CTNNA3: variants seen among roughly 807,000 people sequenced by gnomAD.
CTNNA3 encodes the protein catenin alpha-3.
A neutral mutation model predicts 95.7 loss-of-function variants in CTNNA3; 76 were observed. The ratio of observed to expected loss-of-function variants is 0.79; its 90% CI spans 0.66 to 0.96. CTNNA3 has a LOEUF of 0.96. Among genes scored for constraint, CTNNA3 ranks in the 40% least tolerant of loss-of-function variants. The probability of loss-of-function intolerance (pLI) is 0.00; values close to 1 mark genes in which losing one functional copy is unlikely to be tolerated. For missense variants in CTNNA3, 1,191 were observed against 1,089.8 expected (o/e 1.09, Z -1.31); for synonymous variants, 431 against 374.4 (o/e 1.15, Z -1.74).
rs907067260 is a variant in CTNNA3, at chr10:65,916,263, C to T, written c.*4067G>A. ...ACTGAAATATTTCTGGCTTTACAAA[C>T]AGAAAAAATGAATATTTGATTCCTA... On this transcript the variant is annotated 3_prime_UTR_variant, in exon 18 of 18. Coordinates refer to ENST00000433211, the MANE Select transcript of CTNNA3 (RefSeq NM_013266.4). 2.6e-5 allele frequency: 4 copies of T among 151,818 alleles called. No homozygotes were observed. The highest frequency in any genetic ancestry group is 9.7e-5 in the African/African-American group (4 of 41,350). The allele number at this position is 151,818 out of a possible 1,614,324, so 9.4% of individuals were successfully genotyped here.
chr10:67,638,745 G>A (rs572179229), intron 2 of CTNNA3, among the ~76,000 whole-genome samples: 2 of 152,252 alleles, frequency 1.3e-5, no homozygotes, highest in South Asian at 2.1e-4. Flanking sequence ...TGAACAACCT[G>A]CTCCTGAATG....
intron 1 of CTNNA3, among the ~76,000 whole-genome samples, chr10:67,693,686 C>T (rs1484126649): frequency 1.3e-5 from 2 of 152,182 alleles, no homozygotes; most frequent in Non-Finnish European, 2.9e-5. Flanking sequence ...CTACCTCTCA[C>T]TTCACACCAC....
At chr10:66,331,191 T>C (rs1392975107) in intron 12 of CTNNA3, among the ~76,000 whole-genome samples, 7 of 152,098 alleles carry the variant, frequency 4.6e-5, no homozygotes, top group Non-Finnish European at 1.0e-4. Flanking sequence ...AGGGTTTTTA[T>C]GGTTTTAGGT....
At chr10:67,663,433 G>A (rs1840247125) in intron 1 of CTNNA3, among the ~76,000 whole-genome samples, 1 of 151,856 alleles carries the variant, frequency 6.6e-6, no homozygotes, top group African/African-American at 2.4e-5. Flanking sequence ...GGGCAAGTGC[G>A]GTCCCCAGTC....
chr10:67,608,072 C>A (rs576636758), intron 2 of CTNNA3, among the ~76,000 whole-genome samples: 1 of 151,988 alleles, frequency 6.6e-6, no homozygotes, highest in South Asian at 2.1e-4. Flanking sequence ...CAGGAAAGGC[C>A]TCTTGACAGG....
chr10:67,285,579 G>A (rs2132453445), intron 5 of CTNNA3, among the ~76,000 whole-genome samples: 1 of 152,266 alleles, frequency 6.6e-6, no homozygotes, highest in African/African-American at 2.4e-5. Context: ...ATATCCAGAG[G>A]AGGCAGTCTA....
At position 66,360,655 on chromosome 10, in the gene CTNNA3, C is replaced by CT. The variant is rs1454534907; in HGVS notation, c.1732+18496dup. ...TCTTTCTTTCTTTCTTTCTTTCTTT[C>CT]TTTCTTCCTTCCTTCCTTCCTTCCT... On this transcript the variant is annotated intron_variant, in intron 12 of 17. Coordinates refer to ENST00000433211, the MANE Select transcript of CTNNA3 (RefSeq NM_013266.4). Among the ~76,000 whole-genome samples, 51 of 44,784 alleles carry CT rather than the reference C, an allele frequency of 1.1e-3. 1 individual carries two copies. Among genetic ancestry groups the CT allele is most frequent in the African/African-American group, 4.5e-3 (50 of 11,114 alleles). 29.4% of individuals were successfully genotyped at this position (44,784 alleles called of 152,430 possible). A position where few individuals can be genotyped will look rare whatever the true frequency, so the allele number is the denominator to read the frequency against.
chr10:67,691,259 C>A (rs1362804555), intron 1 of CTNNA3, among the ~76,000 whole-genome samples: 7 of 152,230 alleles, frequency 4.6e-5, no homozygotes, highest in Admixed American at 4.6e-4. Flanking sequence ...CACCTCCCAG[C>A]AGCCTGCCTT....
chr10:65,933,937 T>C (rs1273186160), intron 17 of CTNNA3, among the ~76,000 whole-genome samples: 4 of 152,148 alleles, frequency 2.6e-5, no homozygotes. Context: ...ACAGATTCTT[T>C]TTTGCATGTC....
chr10:66,356,131 T>G (rs200964178), intron 12 of CTNNA3, among the ~76,000 whole-genome samples: 6,749 of 150,898 alleles, frequency 0.045, 210 homozygotes, highest in Non-Finnish European at 0.061. Flanking sequence ...TGTTTTTTTT[T>G]TTTTTTTTTT....
intron 6 of CTNNA3, among the ~76,000 whole-genome samples, chr10:67,181,157 T>G (rs774336357): frequency 1.3e-5 from 2 of 152,190 alleles, no homozygotes; most frequent in African/African-American, 4.8e-5. Flanking sequence ...ATCATAAACT[T>G]TAGTTAACTT....
chr10:67,563,288 A>G (rs901866686), intron 3 of CTNNA3, among the ~76,000 whole-genome samples: 14 of 152,230 alleles, frequency 9.2e-5, no homozygotes, highest in Admixed American at 7.9e-4. Context: ...GTACCAAAAC[A>G]GAGATATCAA....
intron 11 of CTNNA3, among the ~76,000 whole-genome samples, chr10:66,395,150 G>A (rs1018974996): frequency 6.6e-6 from 1 of 151,996 alleles, no homozygotes; most frequent in African/African-American, 2.4e-5. Context: ...ACGTCTTAGG[G>A]AAGTTCACTT....
At chr10:66,994,744 C>T (rs1321144477) in intron 7 of CTNNA3, among the ~76,000 whole-genome samples, 1 of 152,142 alleles carries the variant, frequency 6.6e-6, no homozygotes, top group Non-Finnish European at 1.5e-5. Context: ...ACATTCAATA[C>T]TATTTATAGA....
intron 13 of CTNNA3, among the ~76,000 whole-genome samples, chr10:66,131,644 A>G (rs2083107781): frequency 6.6e-6 from 1 of 152,216 alleles, no homozygotes; most frequent in Non-Finnish European, 1.5e-5. Flanking sequence ...ACCTGACTTC[A>G]AACTATACTA....
chr10:67,143,973 C>T (rs182002487), intron 7 of CTNNA3, among the ~76,000 whole-genome samples: 17 of 152,282 alleles, frequency 1.1e-4, no homozygotes, highest in Non-Finnish European at 1.5e-5. Flanking sequence ...CCATCTACAG[C>T]GAGTATCGCC....
chr10:66,928,563 C>G (rs1007693652), intron 7 of CTNNA3: 2 of 991,092 alleles, frequency 2.0e-6, no homozygotes, highest in Non-Finnish European at 2.9e-6. Context: ...CCTTCCCTCT[C>G]CCTCTCACTT....
intron 7 of CTNNA3, among the ~76,000 whole-genome samples, chr10:67,042,055 C>CA (rs1483059515): frequency 4.0e-5 from 6 of 151,136 alleles, no homozygotes; most frequent in African/African-American, 7.3e-5. Flanking sequence ...GGCTGAGAGA[C>CA]AAAAAAAGGC....
chr10:66,694,743 CTG>C (rs978678231), intron 9 of CTNNA3, among the ~76,000 whole-genome samples: 3 of 152,262 alleles, frequency 2.0e-5, no homozygotes, highest in Admixed American at 1.3e-4. Context: ...TAATCTACAT[CTG>C]TGAATTCCAA....
Sources: gnomAD v4.1 joint callset for allele counts (sites outside exome capture counted in the v4.1 genomes callset) on GRCh38, gnomAD v4.1.1 for gene constraint, MANE v1.5 for transcripts, NCBI Gene and HGNC (gene_info 2026-07-23, HGNC 2026-07-21) for gene names.